ERG: variants seen among roughly 807,000 people sequenced by gnomAD.
ERG encodes transcriptional regulator ERG.
A neutral mutation model predicts 55.3 loss-of-function variants in ERG; 9 were observed. That is an observed-to-expected ratio of 0.16 (90% CI 0.10 to 0.28). The LOEUF (loss-of-function observed/expected upper bound fraction) is 0.28, where lower values mean the gene tolerates loss of function less well. Among genes scored for constraint, ERG ranks in the 10% least tolerant of loss-of-function variants. The pLI is 1.00. For synonymous variants in ERG, 223 were observed against 237.3 expected (o/e 0.94, Z 0.55); for missense variants, 434 against 631.6 (o/e 0.69, Z 3.35).
At chr21:38,470,673 C>A (rs974935650) in intron 1 of ERG, 1 of 152,160 alleles carries the variant, frequency 6.6e-6, no homozygotes, top group Non-Finnish European at 1.5e-5. Context: ...GCTTCACAGG[C>A]GAAGTCCTGG....
chr21:38,655,995 C>T (rs1195977869), intron 1 of ERG, among the ~76,000 whole-genome samples: 1 of 152,180 alleles, frequency 6.6e-6, no homozygotes, highest in Non-Finnish European at 1.5e-5. Context: ...GAGGCCAGGG[C>T]TCTCTCCCTC....
chr21:38,576,080 C>A (rs139273170), intron 1 of ERG, among the ~76,000 whole-genome samples: 1 of 152,188 alleles, frequency 6.6e-6, no homozygotes, highest in Non-Finnish European at 1.5e-5. Flanking sequence ...TAAAGGAAGA[C>A]GTGGGACTAA....
intron 2 of ERG, among the ~76,000 whole-genome samples, chr21:38,573,689 A>G (rs2059976936): frequency 6.6e-6 from 1 of 152,234 alleles, no homozygotes. Context: ...TAAAATAATG[A>G]AAATAATAAT....
At chr21:38,527,045 C>T (rs1215527606) in intron 2 of ERG, among the ~76,000 whole-genome samples, 1 of 152,134 alleles carries the variant, frequency 6.6e-6, no homozygotes, top group Non-Finnish European at 1.5e-5. Context: ...TCTGCATCCT[C>T]AGATCTGAGA....
At chr21:38,403,389 G>T in intron 4 of ERG, 117 bp downstream of exon 4, 1 of 976,054 alleles carries the variant, frequency 1.0e-6, no homozygotes, top group Non-Finnish European at 1.6e-6. Context: ...CGGATCCCCA[G>T]TGGGAACTGG....
At chr21:38,401,625 C>T (rs1405536644) in intron 5 of ERG, among the ~76,000 whole-genome samples, 1 of 152,086 alleles carries the variant, frequency 6.6e-6, no homozygotes, top group East Asian at 1.9e-4. Flanking sequence ...GAGGGCTGAT[C>T]GTGAGTTAAC....
chr21:38,563,742 T>C (rs2059906553), intron 2 of ERG, among the ~76,000 whole-genome samples: 2 of 152,226 alleles, frequency 1.3e-5, no homozygotes. Context: ...AAAATGATTA[T>C]GTGATCACTT....
chr21:38,605,905 A>AGATAGATAGAT (rs57007008), intron 1 of ERG, among the ~76,000 whole-genome samples: 10,639 of 151,192 alleles, frequency 0.07, 655 homozygotes, highest in African/African-American at 0.17. Context: ...GATAAATAAT[A>AGATAGATAGAT]GATAGATAGA....
At position 38,614,473 on chromosome 21, in the gene ERG, C is replaced by CTCCT. The variant is rs2060247369; in HGVS notation, c.-149-29532_-149-29529dup. The stretch of plus-strand genomic sequence containing the variant: ...CCCTGCTCTTCCTCTTAGGGACACC[C>CTCCT]TCCTACCTCTTCCATCCTTGGGACC... On this transcript the variant is annotated intron_variant, in intron 1 of 10. Coordinates refer to the ERG transcript ENST00000398910. 3.3e-5 allele frequency among the ~76,000 whole-genome samples: 5 copies of CTCCT among 152,274 alleles called. No homozygotes were observed. The East Asian group carries it at 5.8e-4, about 18-fold the overall frequency.
At chr21:38,400,514 T>A in intron 6 of ERG, 60 bp downstream of exon 6, 1 of 1,344,484 alleles carries the variant, frequency 7.4e-7, no homozygotes, top group East Asian at 2.3e-5. Flanking sequence ...AGGGCACGGA[T>A]CTCAGCAGGA....
intron 2 of ERG, among the ~76,000 whole-genome samples, chr21:38,434,886 A>G (rs1990380267): frequency 6.6e-6 from 1 of 152,242 alleles, no homozygotes; most frequent in South Asian, 2.1e-4. Context: ...GCAACTGTTC[A>G]TAACTGTACC....
intron 2 of ERG, among the ~76,000 whole-genome samples, chr21:38,427,139 T>C (rs1989867123): frequency 6.6e-6 from 1 of 152,196 alleles, no homozygotes; most frequent in Non-Finnish European, 1.5e-5. Flanking sequence ...TCTCAGCACT[T>C]TGGGAGGCTG....
At chr21:38,653,072 T>C (rs1318426493) in intron 1 of ERG, among the ~76,000 whole-genome samples, 1 of 152,200 alleles carries the variant, frequency 6.6e-6, no homozygotes, top group Admixed American at 6.5e-5. Flanking sequence ...GATTCCACGA[T>C]GTGAATGTTC....
intron 2 of ERG, among the ~76,000 whole-genome samples, chr21:38,548,754 G>A (rs1380150601): frequency 1.0e-4 from 15 of 146,688 alleles, no homozygotes; most frequent in African/African-American, 2.7e-4. Flanking sequence ...GTGAGCCACC[G>A]TGCCTGGCCA....
rs1009894478 is a variant in ERG at position 38,636,271 on chromosome 21, A to T, written c.-150+25387T>A. On this transcript the variant is annotated intron_variant, in intron 1 of 10. Coordinates refer to the ERG transcript ENST00000398910. Reference sequence around the variant, plus strand: ...AACGTCTTTCCTTCATAAATTACCCATTCTCAGTTATGTACTTATAGGAGC... The same window carrying T: ...AACGTCTTTCCTTCATAAATTACCCTTTCTCAGTTATGTACTTATAGGAGC... 6.6e-5 allele frequency among the ~76,000 whole-genome samples: 10 copies of T among 152,304 alleles called. No individual in the cohort carries two copies. In the South Asian group the frequency reaches 1.5e-3, roughly 22 times the overall value.
At chr21:38,403,404 G>A in intron 4 of ERG, 102 bp downstream of exon 4, 1 of 1,148,204 alleles carries the variant, frequency 8.7e-7, no homozygotes, top group East Asian at 2.4e-5. Context: ...AACTGGGCGA[G>A]GGCAGGAGGA....
intron 6 of ERG, among the ~76,000 whole-genome samples, chr21:38,393,963 T>C (rs1172173480): frequency 1.3e-5 from 2 of 152,250 alleles, no homozygotes; most frequent in Non-Finnish European, 2.9e-5. Flanking sequence ...ATAGGAATTA[T>C]ATCTGCAGCC....
rs913790172 is a variant in ERG at position 38,504,186 on chromosome 21, A to G, written c.-41+71476T>C. Among the ~76,000 whole-genome samples, 10 of 152,238 alleles carry G rather than the reference A, an allele frequency of 6.6e-5. 1 individual carries two copies. Among genetic ancestry groups the G allele is most frequent in the Admixed American group, 2.0e-4 (3 of 15,286 alleles). ...TGATCTGAACTAATAGAAACCAAGG[A>G]AACTGTTATCACATACCAAATCCTC... On this transcript the variant is annotated intron_variant, in intron 2 of 8. Transcript: ENST00000398897.
chr21:38,613,912 G>T (rs2060243719), intron 1 of ERG, among the ~76,000 whole-genome samples: 1 of 152,120 alleles, frequency 6.6e-6, no homozygotes, highest in Admixed American at 6.5e-5. Flanking sequence ...CAGGACACAA[G>T]GTCAGTTCAG....
Sources: gnomAD v4.1 joint callset for allele counts (sites outside exome capture counted in the v4.1 genomes callset) on GRCh38, gnomAD v4.1.1 for gene constraint, MANE v1.5 for transcripts, NCBI Gene and HGNC (gene_info 2026-07-23, HGNC 2026-07-21) for gene names.